ASTN2: variants seen among roughly 807,000 people sequenced by gnomAD.
ASTN2 encodes astrotactin-2.
ASTN2 carries 54 observed loss-of-function variants against 139.8 expected under a neutral mutation model. The ratio of observed to expected loss-of-function variants is 0.39; its 90% CI spans 0.31 to 0.48. ASTN2 has a LOEUF of 0.48. Ranked by LOEUF, ASTN2 falls within the 20% of genes least tolerant of loss-of-function variation. The probability of loss-of-function intolerance (pLI) is 0.95; values close to 1 mark genes in which losing one functional copy is unlikely to be tolerated. For missense variants in ASTN2, 1,565 were observed against 1,725.1 expected (o/e 0.91, Z 1.64); for synonymous variants, 756 against 719.5 (o/e 1.05, Z -0.81).
At chr9:116,442,846 C>T (rs761674608) in intron 20 of ASTN2, among the ~76,000 whole-genome samples, 2 of 152,160 alleles carry the variant, frequency 1.3e-5, no homozygotes, top group Non-Finnish European at 2.9e-5. Context: ...GTATTGAACT[C>T]ATGCAGTCTG....
At chr9:117,057,275 A>G (rs892648945) in intron 5 of ASTN2, among the ~76,000 whole-genome samples, 2 of 151,632 alleles carry the variant, frequency 1.3e-5, no homozygotes, top group Non-Finnish European at 2.9e-5. Flanking sequence ...TTCCTACCCC[A>G]CCCCCAGGGA....
chr9:116,516,108 G>C (rs1008683577), intron 19 of ASTN2, among the ~76,000 whole-genome samples: 1 of 152,124 alleles, frequency 6.6e-6, no homozygotes, highest in African/African-American at 2.4e-5. Context: ...TCTTGAACAG[G>C]AGAATAGGAA....
chr9:117,122,563 A>G (rs1829584221), intron 4 of ASTN2, among the ~76,000 whole-genome samples: 2 of 152,224 alleles, frequency 1.3e-5, no homozygotes, highest in South Asian at 2.1e-4. Context: ...AGCAGTCTGA[A>G]GTGTCCACAT....
At chr9:117,058,858 T>G (rs1489665242) in intron 5 of ASTN2, among the ~76,000 whole-genome samples, 1 of 152,176 alleles carries the variant, frequency 6.6e-6, no homozygotes, top group African/African-American at 2.4e-5. Flanking sequence ...ATTTAAGCCC[T>G]GTCCTGGTGG....
At chr9:116,809,856 G>A (rs1831119077) in intron 12 of ASTN2, among the ~76,000 whole-genome samples, 1 of 152,158 alleles carries the variant, frequency 6.6e-6, no homozygotes, top group Admixed American at 6.5e-5. Flanking sequence ...GTCTAAGCCT[G>A]TCTTGCAGTT....
Position 116,487,416 on chromosome 9 carries a change from G to A in ASTN2, c.3440C>T (p.Pro1147Leu). The change falls in exon 20 of 23, where the codon CCT (proline) becomes CTT (leucine). Residue 1147 changes from proline (P) to leucine (L), a missense_variant. Pro to Leu is a moderately conservative substitution (Grantham distance 98). Coordinates refer to ENST00000313400, the MANE Select transcript of ASTN2 (RefSeq NM_001365068.1). The stretch of plus-strand genomic sequence containing the variant: ...GATGACTGAGTAGATACTGACTTCA[G>A]GGACCTCTCCATGGCTTCGACCAGC... The part of the protein sequence containing the change: ...VAAGRSHGEV[P>L]EVSIYSVIFK... 1 of 1,614,052 alleles carries A rather than the reference G, an allele frequency of 6.2e-7. No individual in the cohort carries two copies. Among genetic ancestry groups the A allele is most frequent in the Non-Finnish European group, 8.5e-7 (1 of 1,179,960 alleles).
chr9:116,483,366 T>G (rs1168184472), intron 20 of ASTN2, among the ~76,000 whole-genome samples: 5 of 152,228 alleles, frequency 3.3e-5, no homozygotes, highest in African/African-American at 1.2e-4. Context: ...CTCCTTCATT[T>G]GGTCTTACCC....
intron 19 of ASTN2, among the ~76,000 whole-genome samples, chr9:116,553,119 C>T (rs560339739): frequency 5.3e-5 from 8 of 152,188 alleles, no homozygotes; most frequent in Non-Finnish European, 1.0e-4. Flanking sequence ...AGAGCAAGTT[C>T]CCCCTTCCTC....
chr9:117,153,012 A>G (rs1232567623), intron 3 of ASTN2, among the ~76,000 whole-genome samples: 3 of 152,072 alleles, frequency 2.0e-5, no homozygotes, highest in Non-Finnish European at 4.4e-5. Flanking sequence ...TTTTACCCCC[A>G]ATTTCAAATC....
At chr9:117,261,308 A>C (rs909091513) in intron 2 of ASTN2, among the ~76,000 whole-genome samples, 1 of 152,224 alleles carries the variant, frequency 6.6e-6, no homozygotes, top group Non-Finnish European at 1.5e-5. Flanking sequence ...AATTGGGCCA[A>C]GAAGTAGGAT....
chr9:116,725,749 A>G (rs574907404), intron 16 of ASTN2, 22 bp downstream of exon 16: 3 of 1,608,140 alleles, frequency 1.9e-6, no homozygotes, highest in Non-Finnish European at 1.7e-6. Flanking sequence ...GCCACCTCCT[A>G]CAGTAGGCAC....
At chr9:117,032,960 T>A (rs552893122) in intron 6 of ASTN2, among the ~76,000 whole-genome samples, 12 of 152,246 alleles carry the variant, frequency 7.9e-5, no homozygotes, top group African/African-American at 2.6e-4. Context: ...TAAAAAGACA[T>A]TTTAGCATAG....
At chr9:116,680,843 T>G (rs1038344755) in intron 16 of ASTN2, among the ~76,000 whole-genome samples, 3 of 152,032 alleles carry the variant, frequency 2.0e-5, no homozygotes, top group African/African-American at 7.2e-5. Context: ...CTAAAAACTC[T>G]CAATAAATTA....
intron 13 of ASTN2, among the ~76,000 whole-genome samples, chr9:116,801,924 G>C (rs776334030): frequency 2.0e-5 from 3 of 152,072 alleles, no homozygotes; most frequent in African/African-American, 4.8e-5. Flanking sequence ...AGGGCACTTA[G>C]GCTCTGGCTG....
chr9:117,314,362 G>A (rs1828068142), intron 1 of ASTN2, among the ~76,000 whole-genome samples: 1 of 151,946 alleles, frequency 6.6e-6, no homozygotes. Flanking sequence ...AGTGCTCTTG[G>A]CCAAACCTGG....
chr9:117,206,189 A>G (rs1831915884), intron 3 of ASTN2, among the ~76,000 whole-genome samples: 1 of 152,144 alleles, frequency 6.6e-6, no homozygotes, highest in Non-Finnish European at 1.5e-5. Context: ...AAGAGTGGAG[A>G]AGCATCTGTG....
At chr9:116,788,621 T>G (rs1830443607) in intron 13 of ASTN2, among the ~76,000 whole-genome samples, 1 of 152,094 alleles carries the variant, frequency 6.6e-6, no homozygotes, top group Non-Finnish European at 1.5e-5. Flanking sequence ...AAATGACACT[T>G]GCAAATCCAC....
chr9:116,637,720 C>T (rs1332427872), intron 17 of ASTN2, among the ~76,000 whole-genome samples: 1 of 152,174 alleles, frequency 6.6e-6, no homozygotes. Flanking sequence ...TAGCAGATTA[C>T]TTGTGCCCAG....
intron 12 of ASTN2, 131 bp from the exon 13 acceptor site, chr9:116,805,951 G>A (rs1421746208): frequency 5.9e-6 from 5 of 844,764 alleles, no homozygotes; most frequent in Non-Finnish European, 9.3e-6. Context: ...ATTCTACCTG[G>A]AATCTATCTA....
Sources: allele counts gnomAD v4.1 joint callset (sites outside exome capture counted in the v4.1 genomes callset), GRCh38; gene constraint gnomAD v4.1.1; transcripts MANE v1.5; gene names NCBI Gene and HGNC (gene_info 2026-07-23, HGNC 2026-07-21).